ARHGEF3: variants seen among roughly 807,000 people sequenced by gnomAD.
The protein encoded by ARHGEF3 is 59.8 kDA protein.
Under a neutral mutation model 63.2 loss-of-function variants are expected in ARHGEF3, and 28 were observed. The observed-to-expected ratio is 0.44, with a 90% confidence interval of 0.33 to 0.61. The LOEUF is 0.61. Among genes scored for constraint, ARHGEF3 ranks in the 20% least tolerant of loss-of-function variants. ARHGEF3 has a pLI of 0.03. For missense variants in ARHGEF3, 533 were observed against 659.3 expected, an observed-to-expected ratio of 0.81 and a Z score of 2.10; for synonymous variants, 266 against 254.2, an observed-to-expected ratio of 1.05 and a Z score of -0.44.
chr3:56,752,606 G>A (rs1305437879), intron 4 of ARHGEF3, among the ~76,000 whole-genome samples: 1 of 152,234 alleles, frequency 6.6e-6, no homozygotes, highest in Non-Finnish European at 1.5e-5. Flanking sequence ...TTCTAGGAAG[G>A]TAGGGCCACC....
intron 2 of ARHGEF3, among the ~76,000 whole-genome samples, chr3:56,960,167 A>G (rs1700218786): frequency 6.6e-6 from 1 of 152,234 alleles, no homozygotes; most frequent in African/African-American, 2.4e-5. Flanking sequence ...GGTAATTACA[A>G]TAATAGCAGC....
chr3:56,944,502 C>T (rs191681667), intron 3 of ARHGEF3, among the ~76,000 whole-genome samples: 2 of 149,978 alleles, frequency 1.3e-5, no homozygotes, highest in Admixed American at 6.6e-5. Flanking sequence ...TGAATTGCTG[C>T]AGTCTCATGA....
intron 2 of ARHGEF3, among the ~76,000 whole-genome samples, chr3:56,972,640 T>C (rs1387000892): frequency 1.3e-5 from 2 of 151,894 alleles, no homozygotes; most frequent in East Asian, 3.9e-4. Flanking sequence ...GGATAGCTCA[T>C]GCAAAGTTCC....
chr3:56,803,248 G>A (rs898248217), upstream of ARHGEF3, among the ~76,000 whole-genome samples: 6 of 151,992 alleles, frequency 3.9e-5, no homozygotes, highest in African/African-American at 1.4e-4. Context: ...ATACAGCCTG[G>A]GCAGCAGTGA....
chr3:56,967,753 A>G (rs1334995551), intron 2 of ARHGEF3, among the ~76,000 whole-genome samples: 1 of 84,908 alleles, frequency 1.2e-5, no homozygotes, highest in African/African-American at 4.8e-5. Flanking sequence ...TATATTATAT[A>G]TACAATTATA....
chr3:57,070,180 C>A (rs1705807243), intron 1 of ARHGEF3, among the ~76,000 whole-genome samples: 2 of 152,150 alleles, frequency 1.3e-5, no homozygotes, highest in Non-Finnish European at 2.9e-5. Context: ...CCAGTTCCCA[C>A]CACACTTCTC....
At chr3:56,772,689 T>TA (rs1188089322) in intron 2 of ARHGEF3, among the ~76,000 whole-genome samples, 2 of 152,212 alleles carry the variant, frequency 1.3e-5, no homozygotes, top group East Asian at 3.8e-4. Context: ...ACTTGTTAAC[T>TA]AAAAAACTAT....
At chr3:56,796,636 T>C (rs1243749223) in intron 1 of ARHGEF3, among the ~76,000 whole-genome samples, 1 of 152,202 alleles carries the variant, frequency 6.6e-6, no homozygotes, top group East Asian at 1.9e-4. Flanking sequence ...CCTTTGAGCA[T>C]CAGGCAATTT....
intron 3 of ARHGEF3, among the ~76,000 whole-genome samples, chr3:56,898,100 G>A (rs558985715): frequency 4.0e-5 from 6 of 151,204 alleles, no homozygotes; most frequent in African/African-American, 9.7e-5. Context: ...GGCTCGTCTC[G>A]AACTCCTGGG....
At chr3:56,807,826 C>T (rs1263066344) in intron 4 of ARHGEF3, among the ~76,000 whole-genome samples, 2 of 152,082 alleles carry the variant, frequency 1.3e-5, no homozygotes, top group African/African-American at 4.8e-5. Flanking sequence ...TCTAGATTTA[C>T]AAAAATGTAT....
chr3:56,955,566 G>A (rs566200461), intron 3 of ARHGEF3, among the ~76,000 whole-genome samples: 2 of 152,240 alleles, frequency 1.3e-5, no homozygotes, highest in Admixed American at 6.5e-5. Flanking sequence ...GGCTTTCTCC[G>A]ACACATACAT....
chr3:57,051,960 C>CT (rs1704689132), intron 1 of ARHGEF3, among the ~76,000 whole-genome samples: 1 of 148,202 alleles, frequency 6.7e-6, no homozygotes, highest in Non-Finnish European at 1.5e-5. Context: ...AAGAGTCTGC[C>CT]TCAAAAAAAA....
In ARHGEF3 at chr3:56,972,424, T is replaced by C. The variant is rs549476544; in HGVS notation, c.63-13535A>G. 2.0e-5 allele frequency among the ~76,000 whole-genome samples: 3 copies of C among 152,292 alleles called. No homozygotes were observed. The East Asian group carries it at 5.8e-4, about 29-fold the overall frequency. The stretch of plus-strand genomic sequence containing the variant: ...CATTTGCTGAGTGTCTACCATGTGC[T>C]AGGCATTATTTTAGGCATAGGGATA... On this transcript the variant is annotated intron_variant, in intron 2 of 12. Transcript: ENST00000338458.
At position 56,774,931 on chromosome 3, in the gene ARHGEF3, A is replaced by C. The variant is rs1041453148; in HGVS notation, c.97-1115T>G. ...CAAACAAACAACAACAACAACAAAA[A>C]AAAAACAGGCTATGGGGAAGAGAAT... On this transcript the variant is annotated intron_variant, in intron 1 of 9. Coordinates refer to ENST00000296315, the MANE Select transcript of ARHGEF3 (RefSeq NM_019555.3). 6.0e-4 allele frequency: 756 copies of C among 1,268,320 alleles called. 1 individual carries two copies. Among genetic ancestry groups the C allele is most frequent in the Non-Finnish European group, 7.2e-4 (684 of 949,810 alleles). The allele number at this position is 1,268,320 out of a possible 1,614,324, so 78.6% of individuals were successfully genotyped here. A position where few individuals can be genotyped will look rare whatever the true frequency, so the allele number is the denominator to read the frequency against.
chr3:56,951,253 A>G (rs906988714), intron 3 of ARHGEF3, among the ~76,000 whole-genome samples: 3 of 151,696 alleles, frequency 2.0e-5, no homozygotes, highest in African/African-American at 7.3e-5. Flanking sequence ...CGTTGTGCAC[A>G]TGTACCCTAA....
chr3:56,901,585 ATT>A (rs35046019), intron 3 of ARHGEF3, among the ~76,000 whole-genome samples: 6 of 141,400 alleles, frequency 4.2e-5, no homozygotes, highest in African/African-American at 5.2e-5. Context: ...TCTGGTTGTA[ATT>A]TTTTTTTTTT....
chr3:57,007,698 T>C (rs1028007714), intron 2 of ARHGEF3, among the ~76,000 whole-genome samples: 33 of 152,146 alleles, frequency 2.2e-4, no homozygotes, highest in Non-Finnish European at 1.0e-4. Flanking sequence ...GCCTGACAAC[T>C]GCTCCTGGAT....
At chr3:56,738,397 C>A (rs1398396751) in intron 7 of ARHGEF3, among the ~76,000 whole-genome samples, 1 of 152,036 alleles carries the variant, frequency 6.6e-6, no homozygotes, top group Admixed American at 6.6e-5. Context: ...GTCTTGAACT[C>A]CTCAGCTCAA....
intron 1 of ARHGEF3, among the ~76,000 whole-genome samples, chr3:57,067,760 T>C (rs900100437): frequency 2.7e-5 from 4 of 149,368 alleles, no homozygotes; most frequent in African/African-American, 9.9e-5. Context: ...GGCGGGCGGA[T>C]CATGAGGTCA....
Sources: allele counts gnomAD v4.1 joint callset (sites outside exome capture counted in the v4.1 genomes callset), GRCh38; gene constraint gnomAD v4.1.1; transcripts MANE v1.5; gene names NCBI Gene and HGNC (gene_info 2026-07-23, HGNC 2026-07-21).